The following RBFOX1 variants were observed in gnomAD, a reference collection of about 807,000 sequenced individuals.
RBFOX1 encodes the protein RNA binding fox-1 homolog 1.
Under a neutral mutation model 57.7 loss-of-function variants are expected in RBFOX1, and 8 were observed. The ratio of observed to expected loss-of-function variants is 0.14; its 90% CI spans 0.08 to 0.25. The LOEUF is 0.25. RBFOX1 is among the 10% of genes least tolerant of loss of function. RBFOX1 has a pLI of 1.00. For missense variants in RBFOX1, 611 were observed against 548.5 expected, an observed-to-expected ratio of 1.11 and a Z score of -1.14; for synonymous variants, 326 against 222.4, an observed-to-expected ratio of 1.47 and a Z score of -4.15.
At chr16:6,274,085 A>G (rs1006788899) in intron 1 of RBFOX1, among the ~76,000 whole-genome samples, 3 of 152,214 alleles carry the variant, frequency 2.0e-5, no homozygotes, top group Non-Finnish European at 4.4e-5. Context: ...TTACATACAC[A>G]TCGCTGGAGA....
At chr16:7,274,598 G>T (rs1603470447) in intron 4 of RBFOX1, among the ~76,000 whole-genome samples, 1 of 152,120 alleles carries the variant, frequency 6.6e-6, no homozygotes, top group Non-Finnish European at 1.5e-5. Context: ...CTACTTATGG[G>T]CCACGTTTGA....
At chr16:5,978,534 C>T (rs1412293809) in intron 4 of RBFOX1, among the ~76,000 whole-genome samples, 2 of 152,168 alleles carry the variant, frequency 1.3e-5, no homozygotes, top group Non-Finnish European at 2.9e-5. Flanking sequence ...ATTCAGATCT[C>T]ACTGGTGTTT....
intron 3 of RBFOX1, among the ~76,000 whole-genome samples, chr16:6,891,965 C>G (rs142793576): frequency 6.6e-6 from 1 of 152,282 alleles, no homozygotes; most frequent in Non-Finnish European, 1.5e-5. Flanking sequence ...GTTGTATTAA[C>G]ATTTGCATTT....
intron 1 of RBFOX1, among the ~76,000 whole-genome samples, chr16:6,080,845 C>T (rs756132216): frequency 4.6e-5 from 7 of 152,090 alleles, no homozygotes; most frequent in Non-Finnish European, 8.8e-5. Context: ...GATGTGTGTA[C>T]GTGAAAAAGC....
chr16:7,211,157 C>G (rs1355985214), intron 4 of RBFOX1, among the ~76,000 whole-genome samples: 1 of 150,930 alleles, frequency 6.6e-6, no homozygotes, highest in Non-Finnish European at 1.5e-5. Context: ...TTTGGGAGGC[C>G]GAGGTGGGGG....
intron 3 of RBFOX1, among the ~76,000 whole-genome samples, chr16:6,967,474 G>A (rs1368095486): frequency 6.6e-6 from 1 of 152,116 alleles, no homozygotes; most frequent in African/African-American, 2.4e-5. Context: ...CAGTGGATAG[G>A]ATAGGAGCAG....
chr16:6,053,972 C>G (rs1410988949), intron 1 of RBFOX1, among the ~76,000 whole-genome samples: 1 of 152,090 alleles, frequency 6.6e-6, no homozygotes, highest in Non-Finnish European at 1.5e-5. Context: ...GGGAGGATCG[C>G]TTGAGCCCAG....
intron 4 of RBFOX1, among the ~76,000 whole-genome samples, chr16:7,124,035 G>T (rs1256668844): frequency 1.3e-5 from 2 of 152,078 alleles, no homozygotes; most frequent in Non-Finnish European, 2.9e-5. Flanking sequence ...TAGGTCAAAG[G>T]TTATGTATAT....
chr16:6,764,929 T>C (rs1273550744), intron 3 of RBFOX1, among the ~76,000 whole-genome samples: 1 of 151,890 alleles, frequency 6.6e-6, no homozygotes, highest in Non-Finnish European at 1.5e-5. Flanking sequence ...AGAGCAAGAC[T>C]GTTTCAGAAA....
chr16:7,350,251 C>T (rs909143797), intron 4 of RBFOX1, among the ~76,000 whole-genome samples: 2 of 152,042 alleles, frequency 1.3e-5, no homozygotes, highest in Non-Finnish European at 2.9e-5. Flanking sequence ...TAGGTGCCAG[C>T]TGTGTACAGT....
At chr16:6,995,777 A>G (rs1215718129) in intron 3 of RBFOX1, among the ~76,000 whole-genome samples, 1 of 152,108 alleles carries the variant, frequency 6.6e-6, no homozygotes, top group Non-Finnish European at 1.5e-5. Context: ...ATAATAATAA[A>G]AAACAAAAAA....
chr16:7,078,785 C>T (rs895816185), intron 4 of RBFOX1, among the ~76,000 whole-genome samples: 11 of 146,252 alleles, frequency 7.5e-5, no homozygotes, highest in Admixed American at 2.1e-4. Context: ...CGAGTTCAAG[C>T]GATTCTCCTG....
At chr16:6,149,250 C>T (rs1301683596) in intron 1 of RBFOX1, among the ~76,000 whole-genome samples, 1 of 152,166 alleles carries the variant, frequency 6.6e-6, no homozygotes, top group Non-Finnish European at 1.5e-5. Flanking sequence ...TGTGTGGCTG[C>T]TTGTGTAGCC....
intron 1 of RBFOX1, among the ~76,000 whole-genome samples, chr16:5,330,633 G>T (rs2064726129): frequency 1.3e-5 from 2 of 151,826 alleles, no homozygotes; most frequent in Non-Finnish European, 1.5e-5. Context: ...TCGAACTTCT[G>T]ACCTCAGGTG....
At chr16:5,590,320 G>A (rs780528040) in intron 2 of RBFOX1, among the ~76,000 whole-genome samples, 1 of 152,164 alleles carries the variant, frequency 6.6e-6, no homozygotes, top group Non-Finnish European at 1.5e-5. Context: ...TTTAACATCT[G>A]GGAATAGGGA....
At chr16:5,285,336 T>C (rs2063366445) in intron 1 of RBFOX1, among the ~76,000 whole-genome samples, 1 of 151,302 alleles carries the variant, frequency 6.6e-6, no homozygotes, top group East Asian at 1.9e-4. Context: ...CTGTTGAATT[T>C]CTCATTCAGA....
chr16:5,425,065 TTATCTATCTATCTATCTATCTATCTATC>T (rs71280727), intron 1 of RBFOX1, among the ~76,000 whole-genome samples: 1 of 68,588 alleles, frequency 1.5e-5, no homozygotes, highest in African/African-American at 4.7e-5. Context: ...CCTTCCTTTC[TTATCTATCTATCTATCTATCTATCTATC>T]TATCTATCTA....
intron 2 of RBFOX1, among the ~76,000 whole-genome samples, chr16:6,519,833 T>C (rs570625258): frequency 1.1e-3 from 164 of 152,324 alleles, no homozygotes; most frequent in African/African-American, 3.8e-3. Flanking sequence ...CTCCATTTCA[T>C]AGGACTGAGG....
intron 3 of RBFOX1, among the ~76,000 whole-genome samples, chr16:6,979,475 C>T (rs900598262): frequency 1.3e-4 from 20 of 152,148 alleles, no homozygotes; most frequent in African/African-American, 4.8e-4. Flanking sequence ...GTTCTTCCCC[C>T]AGTACCTTTC....
Sources: gnomAD v4.1 joint callset for allele counts (sites outside exome capture counted in the v4.1 genomes callset) on GRCh38, gnomAD v4.1.1 for gene constraint, MANE v1.5 for transcripts, NCBI Gene and HGNC (gene_info 2026-07-23, HGNC 2026-07-21) for gene names.